TRIOBP: variants seen among roughly 807,000 people sequenced by gnomAD.
TRIOBP encodes the protein TRIO and F-actin binding protein.
Under a neutral mutation model 238.8 loss-of-function variants are expected in TRIOBP, and 169 were observed. The ratio of observed to expected loss-of-function variants is 0.71; its 90% CI spans 0.62 to 0.80. TRIOBP has a LOEUF of 0.80. Ranked by LOEUF, TRIOBP falls within the 30% of genes least tolerant of loss-of-function variation. The pLI, the probability that TRIOBP is intolerant of heterozygous loss-of-function variation, is 0.00. For synonymous variants in TRIOBP, 1,150 were observed against 1,274.4 expected (o/e 0.90, Z 2.08); for missense variants, 2,838 against 3,122.6 (o/e 0.91, Z 2.17).
At chr22:37,762,614 G>T (rs894658068) in intron 17 of TRIOBP, among the ~76,000 whole-genome samples, 1 of 152,200 alleles carries the variant, frequency 6.6e-6, no homozygotes, top group African/African-American at 2.4e-5. Flanking sequence ...GGTGGGATGG[G>T]CACGGGGAGC....
At chr22:37,768,923 G>A in intron 19 of TRIOBP, 105 bp from the exon 20 acceptor site, 1 of 1,538,220 alleles carries the variant, frequency 6.5e-7, no homozygotes, top group Non-Finnish European at 9.0e-7. Context: ...CAAACCTAGA[G>A]AGGGAACCCC....
chr22:37,702,237 C>T (rs1490841018), intron 3 of TRIOBP, among the ~76,000 whole-genome samples: 1 of 151,998 alleles, frequency 6.6e-6, no homozygotes, highest in Non-Finnish European at 1.5e-5. Context: ...CTCACTCTGT[C>T]GCCTGGGCTA....
At chr22:37,735,487 C>T in intron 9 of TRIOBP, 45 bp downstream of exon 9, 1 of 1,539,146 alleles carries the variant, frequency 6.5e-7, no homozygotes, top group Middle Eastern at 2.0e-4. Flanking sequence ...AAAGTCAGCC[C>T]CACTCAGCCA....
chr22:37,754,806 T>G, intron 12 of TRIOBP, 71 bp from the exon 13 acceptor site: 33 of 1,486,124 alleles, frequency 2.2e-5, no homozygotes, highest in Non-Finnish European at 2.9e-5. Context: ...TGCAGCATAG[T>G]GAGTTTGGCA....
intron 8 of TRIOBP, 110 bp downstream of exon 8, chr22:37,733,522 G>C: frequency 1.2e-6 from 1 of 851,854 alleles, no homozygotes; most frequent in East Asian, 2.7e-5. Flanking sequence ...CTCTATGAAA[G>C]GGTCGGAGTC....
intron 6 of TRIOBP, among the ~76,000 whole-genome samples, chr22:37,717,832 A>T (rs1034746789): frequency 2.0e-5 from 3 of 152,198 alleles, no homozygotes; most frequent in African/African-American, 7.2e-5. Context: ...GTCCCATGCC[A>T]TGCGCCCACA....
chr22:37,700,697 T>C lies in TRIOBP; in HGVS notation c.-60-609T>C, dbSNP rs543449967. On this transcript the variant is annotated intron_variant, in intron 2 of 23. Transcript: ENST00000644935. The stretch of plus-strand genomic sequence containing the variant: ...GGCCCAGCTGGAATCTGCATTTTTT[T>C]GTTTTTTGTTTTGAGATGAAGTCTC... 2.1e-3 allele frequency among the ~76,000 whole-genome samples: 317 copies of C among 152,200 alleles called. 1 individual carries two copies. Among genetic ancestry groups the C allele is most frequent in the African/African-American group, 7.4e-3 (306 of 41,540 alleles).
At chr22:37,716,907 C>T (rs1194168279) in intron 6 of TRIOBP, among the ~76,000 whole-genome samples, 8 of 152,132 alleles carry the variant, frequency 5.3e-5, no homozygotes, top group Non-Finnish European at 1.0e-4. Context: ...GAATCACTGG[C>T]GGATGCAAAA....
chr22:37,707,708 G>A (rs530330741), intron 3 of TRIOBP, among the ~76,000 whole-genome samples: 83 of 151,846 alleles, frequency 5.5e-4, no homozygotes, highest in Non-Finnish European at 6.2e-4. Context: ...TTGGGAGGCC[G>A]AGGCAGGTGG....
At chr22:37,764,051 C>T (rs905148736) in intron 17 of TRIOBP, among the ~76,000 whole-genome samples, 7 of 152,240 alleles carry the variant, frequency 4.6e-5, no homozygotes, top group African/African-American at 1.7e-4. Flanking sequence ...CTCCCTTGAA[C>T]TCTTCGCTTC....
In TRIOBP at chr22:37,765,796, GAGACGGC is replaced by G; in HGVS notation, c.6454_6460del (p.Thr2152ProfsTer9). 1 of 1,588,782 alleles carries G rather than the reference GAGACGGC, an allele frequency of 6.3e-7. No homozygotes were observed. Among genetic ancestry groups the G allele is most frequent in the Non-Finnish European group, 8.5e-7 (1 of 1,171,988 alleles). On this transcript the variant is annotated frameshift_variant, in exon 18 of 24. Transcript: ENST00000644935. LOFTEE classifies it high-confidence loss of function. ...GGAGAAGGAGTGGCTCCTGGCTGAG[GAGACGGC>G]AGCCACGGCCTCAGGTATGGACCCT...
intron 17 of TRIOBP, among the ~76,000 whole-genome samples, chr22:37,763,556 G>C (rs1926343739): frequency 1.3e-5 from 2 of 152,142 alleles, no homozygotes; most frequent in Admixed American, 1.3e-4. Flanking sequence ...CTGTGCCTTA[G>C]TTTCTTCCCT....
chr22:37,757,647 A>G lies in TRIOBP; in HGVS notation c.5722A>G (p.Ser1908Gly). The G allele has an allele frequency of 6.3e-7, 1 of 1,590,798 alleles. No individual in the cohort carries two copies. The highest frequency in any genetic ancestry group is 1.1e-5 in the South Asian group (1 of 87,838). Residue 1908 changes from serine (S) to glycine (G), a missense_variant, in exon 16 of 24, where the codon AGC becomes GGC. This residue lies in a region of TRIOBP where 2,096 missense variants were observed against 2,137.4 expected (regional missense o/e 0.98). Transcript: ENST00000644935. ...SDSNKENALHSYSTQKGPLKA... is the reference protein window; with the variant it reads ...SDSNKENALHGYSTQKGPLKA... ...CTCTAACAAGGAGAACGCGCTGCACAGCTACAGCACCCAGAAGGGCCCCCT... is the reference window on the plus strand; with the variant it reads ...CTCTAACAAGGAGAACGCGCTGCACGGCTACAGCACCCAGAAGGGCCCCCT...
Position 37,701,356 on chromosome 22 carries a change from C to T in TRIOBP, c.-10C>T. ...GATCATAGGAACTGCCCTGGCCTGA[C>T]TCACCCAATATGGAGGAGGTGCCTG... On this transcript the variant is annotated 5_prime_UTR_variant, in exon 3 of 24. Transcript: ENST00000644935. 1 of 1,607,964 alleles carries T rather than the reference C, an allele frequency of 6.2e-7. No homozygotes were observed. Among genetic ancestry groups the T allele is most frequent in the South Asian group, 1.1e-5 (1 of 90,048 alleles).
In TRIOBP at chr22:37,735,256, T is replaced by A. The variant is rs746747277; in HGVS notation, c.4920T>A (p.Asn1640Lys). 6.2e-7 allele frequency: 1 copy of A among 1,604,028 alleles called. No individual in the cohort carries two copies. Among genetic ancestry groups the A allele is most frequent in the East Asian group, 2.2e-5 (1 of 44,538 alleles). Residue 1640 changes from asparagine (N) to lysine (K), a missense_variant, in exon 9 of 24, where the codon AAT (asparagine) becomes AAA (lysine). By Grantham distance (94) the Asn-to-Lys change is moderately conservative. Around this residue, in one of 5 missense-constraint regions of TRIOBP, gnomAD observed 2,096 missense variants for 2,137.4 expected, o/e 0.98. Transcript: ENST00000644935. ...GCTGGGCCGAGGCCACCCCAGTCAA[T>A]GGACACAGCCCCGCACTGCAGTCCC... Reference protein sequence around the residue: ...PEGWAEATPVNGHSPALQSQS... With the variant: ...PEGWAEATPVKGHSPALQSQS...
chr22:37,723,044 C>A, intron 6 of TRIOBP, 141 bp from the exon 7 acceptor site: 2 of 782,530 alleles, frequency 2.6e-6, no homozygotes, highest in South Asian at 1.8e-5. Flanking sequence ...GAGGTGGAGT[C>A]ACTTGGTACA....
chr22:37,743,836 T>TGG (rs888230716), intron 11 of TRIOBP, among the ~76,000 whole-genome samples: 2 of 123,946 alleles, frequency 1.6e-5, no homozygotes, highest in Admixed American at 8.7e-5. Flanking sequence ...TGTGTGTGTG[T>TGG]GTGTGTGTGC....
chr22:37,736,554 G>A (rs924966959), intron 9 of TRIOBP, among the ~76,000 whole-genome samples: 2 of 152,168 alleles, frequency 1.3e-5, no homozygotes, highest in Non-Finnish European at 2.9e-5. Flanking sequence ...GGCATTTGCT[G>A]GGGGTCACAC....
intron 2 of TRIOBP, among the ~76,000 whole-genome samples, chr22:37,699,061 A>T (rs1259597329): frequency 2.0e-5 from 3 of 152,056 alleles, no homozygotes; most frequent in African/African-American, 7.2e-5. Flanking sequence ...GAATTGCTTG[A>T]ACCCAGGAGG....
Sources: gnomAD v4.1 joint callset for allele counts (sites outside exome capture counted in the v4.1 genomes callset) on GRCh38, gnomAD v4.1.1 for gene constraint, gnomAD v4.1.1 regional missense constraint, MANE v1.5 for transcripts, NCBI Gene and HGNC (gene_info 2026-07-23, HGNC 2026-07-21) for gene names.